Variants in FRMPD4 observed in about 807,000 individuals in gnomAD.
FRMPD4 encodes FERM and PDZ domain containing 4.
Under a neutral mutation model 94.1 loss-of-function variants are expected in FRMPD4, and 22 were observed. That is an observed-to-expected ratio of 0.23 (90% confidence interval 0.17 to 0.33). The LOEUF is 0.33. Ranked by LOEUF, FRMPD4 falls within the 10% of genes least tolerant of loss-of-function variation. The pLI, the probability that FRMPD4 is intolerant of heterozygous loss-of-function variation, is 1.00. For synonymous variants in FRMPD4, 631 were observed against 548.6 expected (o/e 1.15, Z -2.10); for missense variants, 1,111 against 1,339.9 (o/e 0.83, Z 2.67).
intron 1 of FRMPD4, chrX:12,373,048 C>T (rs1601870167): frequency 8.9e-6 from 1 of 112,308 alleles, no homozygotes. Flanking sequence ...GCCGCCTCAC[C>T]AGTTACAGGA....
chrX:12,382,503 TAGCATAGCATAGCATAGCATAGCATAG>T (rs2056333058), intron 1 of FRMPD4, among the ~76,000 whole-genome samples: 2 of 70,937 alleles, frequency 2.8e-5, no homozygotes, highest in Non-Finnish European at 5.3e-5. Flanking sequence ...TAGCATAGCA[TAGCATAGCATAGCATAGCATAGCATAG>T]AGCATAGCAT....
intron 2 of FRMPD4, among the ~76,000 whole-genome samples, chrX:12,549,526 G>A (rs1286777142): frequency 4.5e-5 from 5 of 112,216 alleles, no homozygotes; most frequent in African/African-American, 1.3e-4. Flanking sequence ...TTTATATTTT[G>A]TATAAGATCT....
chrX:11,831,888 T>C (rs1441395973), intron 1 of FRMPD4, among the ~76,000 whole-genome samples: 3 of 112,498 alleles, frequency 2.7e-5, no homozygotes, highest in African/African-American at 9.7e-5. Flanking sequence ...CCTTAAAAGA[T>C]AGATCTTTCT....
chrX:12,138,751 A>G lies in FRMPD4; in HGVS notation c.-221A>G, dbSNP rs1325516180. 9.2e-6 allele frequency: 3 copies of G among 325,107 alleles called. No individual in the cohort carries two copies. 26.8% of individuals were successfully genotyped at this position (325,107 alleles called of 1,213,427 possible). On this transcript the variant is annotated 5_prime_UTR_variant, in exon 1 of 17. Transcript: ENST00000675598. ...AGTTTTCCTGCCTCGGGTGCCTATC[A>G]ATGGTCCTGCTCGGGGATGCACACG...
intron 3 of FRMPD4, among the ~76,000 whole-genome samples, chrX:11,956,354 G>A (rs188986590): frequency 9.9e-5 from 11 of 111,502 alleles, no homozygotes; most frequent in African/African-American, 3.6e-4. Context: ...CCAAAGGATG[G>A]TATTATAATA....
chrX:12,677,320 C>G (rs2059908930), intron 5 of FRMPD4, among the ~76,000 whole-genome samples: 1 of 111,336 alleles, frequency 9.0e-6, no homozygotes, highest in Admixed American at 9.6e-5. Context: ...GCTTTTCTCT[C>G]CTCCGAGGTG....
intron 1 of FRMPD4, among the ~76,000 whole-genome samples, chrX:12,451,632 GCA>G (rs1391139709): frequency 8.1e-5 from 9 of 111,194 alleles, no homozygotes; most frequent in African/African-American, 2.9e-4. Flanking sequence ...CAGGCTGTTA[GCA>G]CAGTCATTTC....
intron 2 of FRMPD4, among the ~76,000 whole-genome samples, chrX:12,513,838 C>A (rs2058068946): frequency 8.9e-6 from 1 of 112,012 alleles, no homozygotes; most frequent in Admixed American, 9.4e-5. Context: ...ATTGATTCTT[C>A]CTATCCATGA....
intron 3 of FRMPD4, among the ~76,000 whole-genome samples, chrX:12,001,875 G>A (rs376009510): frequency 8.9e-6 from 1 of 111,960 alleles, no homozygotes; most frequent in Non-Finnish European, 1.9e-5. Flanking sequence ...AGATTGACTT[G>A]CCATCATTAA....
intron 1 of FRMPD4, among the ~76,000 whole-genome samples, chrX:12,412,790 G>A (rs1414182022): frequency 8.9e-6 from 1 of 111,999 alleles, no homozygotes; most frequent in East Asian, 2.8e-4. Flanking sequence ...AATAACTGCT[G>A]ATTTCTCAGT....
At position 12,243,790 on chromosome X, in the gene FRMPD4, C is replaced by CT. The variant is rs148889684; in HGVS notation, c.41+104812dup. 5.6e-3 allele frequency among the ~76,000 whole-genome samples: 128 copies of CT among 22,938 alleles called. 3 individuals carry two copies. Among genetic ancestry groups the CT allele is most frequent in the South Asian group, 6.4e-3 (1 of 156 alleles). The allele number at this position is 22,938 out of a possible 115,157, so 19.9% of individuals were successfully genotyped here. ...CAGAAACAGTTGTCCATCTAAAGGG[C>CT]TTTTTTTTTTTTTTTTTTTTTTTTT... On this transcript the variant is annotated intron_variant, in intron 1 of 16. Transcript: ENST00000675598.
intron 1 of FRMPD4, among the ~76,000 whole-genome samples, chrX:12,446,564 T>A (rs1362166552): frequency 9.0e-6 from 1 of 111,122 alleles, no homozygotes; most frequent in Non-Finnish European, 1.9e-5. Flanking sequence ...AATGGAATCA[T>A]GGGGGTGGTT....
At chrX:12,419,468 T>C (rs1017173619) in intron 1 of FRMPD4, among the ~76,000 whole-genome samples, 1 of 112,395 alleles carries the variant, frequency 8.9e-6, no homozygotes, top group African/African-American at 3.3e-5. Context: ...ATTGTTGTTT[T>C]TAAATACATA....
intron 14 of FRMPD4, among the ~76,000 whole-genome samples, chrX:12,715,143 A>G (rs373866541): frequency 8.9e-6 from 1 of 112,115 alleles, no homozygotes; most frequent in Non-Finnish European, 1.9e-5. Flanking sequence ...CTACAAGGCA[A>G]TATCAACAGA....
chrX:12,165,162 C>T (rs1408786865), intron 1 of FRMPD4, among the ~76,000 whole-genome samples: 1 of 111,845 alleles, frequency 8.9e-6, no homozygotes. Flanking sequence ...AGGTTTTCTT[C>T]TAGGGTTTTT....
chrX:11,908,051 C>A (rs1396205707), intron 3 of FRMPD4, among the ~76,000 whole-genome samples: 4 of 110,670 alleles, frequency 3.6e-5, no homozygotes, highest in Non-Finnish European at 7.6e-5. Context: ...CTTCTCCCAG[C>A]TTCCTGTGGG....
intron 1 of FRMPD4, among the ~76,000 whole-genome samples, chrX:12,310,475 A>C (rs750224584): frequency 1.8e-5 from 2 of 112,225 alleles, no homozygotes; most frequent in Non-Finnish European, 3.8e-5. Context: ...GAGGCCTGAC[A>C]GAAACCATTA....
At chrX:12,239,337 C>G (rs990668415) in intron 1 of FRMPD4, among the ~76,000 whole-genome samples, 1 of 112,551 alleles carries the variant, frequency 8.9e-6, no homozygotes, top group African/African-American at 3.2e-5. Flanking sequence ...GATGCTGAAG[C>G]TTGTCACAAA....
chrX:12,519,362 G>T (rs1443394478), intron 2 of FRMPD4, among the ~76,000 whole-genome samples: 1 of 112,168 alleles, frequency 8.9e-6, no homozygotes, highest in Non-Finnish European at 1.9e-5. Context: ...TAGTCCAATG[G>T]AATAAAATAG....
Sources: allele counts gnomAD v4.1 joint callset (sites outside exome capture counted in the v4.1 genomes callset), GRCh38; gene constraint gnomAD v4.1.1; transcripts MANE v1.5; gene names NCBI Gene and HGNC (gene_info 2026-07-23, HGNC 2026-07-21).